Variants in ATRNL1 observed in about 807,000 individuals in gnomAD.
The protein encoded by ATRNL1 is attractin like 1.
In ATRNL1, 95 loss-of-function variants were observed where a neutral mutation model predicts 182.7. That is an observed-to-expected ratio of 0.52 (90% CI 0.44 to 0.62). The LOEUF (loss-of-function observed/expected upper bound fraction) is 0.62. ATRNL1 is among the 20% of genes least tolerant of loss of function. The pLI is 0.00. For synonymous variants in ATRNL1, 576 were observed against 568.3 expected (o/e 1.01, Z -0.19); for missense variants, 1,471 against 1,679.5 (o/e 0.88, Z 2.17).
chr10:115,103,194 C>T (rs563248635), intron 1 of ATRNL1, among the ~76,000 whole-genome samples: 5 of 151,920 alleles, frequency 3.3e-5, no homozygotes, highest in East Asian at 1.9e-4. Flanking sequence ...CCCATCATCA[C>T]GCCTGGCTGA....
chr10:115,145,238 GAAGAT>G (rs1296852086), intron 5 of ATRNL1, among the ~76,000 whole-genome samples: 1 of 152,122 alleles, frequency 6.6e-6, no homozygotes, highest in African/African-American at 2.4e-5. Flanking sequence ...GGGTAGGATG[GAAGAT>G]AAGTGACTCT....
intron 27 of ATRNL1, among the ~76,000 whole-genome samples, chr10:115,778,776 T>G (rs1414333867): frequency 1.3e-5 from 2 of 152,180 alleles, no homozygotes; most frequent in Non-Finnish European, 2.9e-5. Context: ...TGTTTGGTGT[T>G]AGTCTGGTAG....
At chr10:115,480,207 A>AACACACACACACACACACACACACACAC (rs72119794) in intron 24 of ATRNL1, among the ~76,000 whole-genome samples, 3 of 146,638 alleles carry the variant, frequency 2.0e-5, no homozygotes, top group African/African-American at 7.5e-5. Flanking sequence ...GAGTCATTTG[A>AACACACACACACACACACACACACACAC]ACACACACAC....
rs11197399 is a variant in ATRNL1, at chr10:115,668,748, C to A, written c.3796-58500C>A. ...AGGTCACCAAGCATTTAACTTTAAC[C>A]TTTTTATATCATTTATGTTCAATAG... On this transcript the variant is annotated intron_variant, in intron 26 of 28. Coordinates refer to ENST00000355044, the MANE Select transcript of ATRNL1 (RefSeq NM_207303.4). Among the ~76,000 whole-genome samples, 1,441 of 152,148 alleles carry A rather than the reference C, an allele frequency of 9.5e-3. 28 individuals carry two copies. Among genetic ancestry groups the A allele is most frequent in the African/African-American group, 0.033 (1,362 of 41,534 alleles).
At chr10:115,485,988 A>G (rs1367763236) in intron 24 of ATRNL1, among the ~76,000 whole-genome samples, 1 of 150,200 alleles carries the variant, frequency 6.7e-6, no homozygotes, top group Admixed American at 6.7e-5. Flanking sequence ...GAGTGAGAAC[A>G]TGCGGTGCTT....
At chr10:115,509,912 C>A (rs781825403) in intron 24 of ATRNL1, among the ~76,000 whole-genome samples, 1 of 151,980 alleles carries the variant, frequency 6.6e-6, no homozygotes, top group Non-Finnish European at 1.5e-5. Context: ...TGATAACATT[C>A]ATGATTCATG....
At chr10:115,270,400 TTA>T (rs1851806787) in intron 13 of ATRNL1, among the ~76,000 whole-genome samples, 1 of 118,458 alleles carries the variant, frequency 8.4e-6, no homozygotes, top group South Asian at 2.5e-4. Context: ...TATATGTATA[TTA>T]TATATAAATA....
chr10:115,600,736 A>T (rs1487042602), intron 26 of ATRNL1, among the ~76,000 whole-genome samples: 2 of 151,960 alleles, frequency 1.3e-5, no homozygotes, highest in Non-Finnish European at 2.9e-5. Flanking sequence ...ATTTTGATGA[A>T]TTTGATAAAA....
chr10:115,511,877 G>T (rs1342127488), intron 24 of ATRNL1, among the ~76,000 whole-genome samples: 1 of 151,718 alleles, frequency 6.6e-6, no homozygotes, highest in Non-Finnish European at 1.5e-5. Flanking sequence ...TTAGCATGTT[G>T]TCTTATCAAT....
At position 115,587,445 on chromosome 10, in the gene ATRNL1, G is replaced by A. The variant is rs1169856205; in HGVS notation, c.3795+37909G>A. On this transcript the variant is annotated intron_variant, in intron 26 of 28. Coordinates refer to ENST00000355044, the MANE Select transcript of ATRNL1 (RefSeq NM_207303.4). Reference sequence around the variant, plus strand: ...GCATAGGACCCTCCCAGCCAGGTGCGGAATATAATCTCGTGGTGTGCCGTT... The same window carrying A: ...GCATAGGACCCTCCCAGCCAGGTGCAGAATATAATCTCGTGGTGTGCCGTT... Among the ~76,000 whole-genome samples the A allele has an allele frequency of 5.4e-4, 82 of 151,888 alleles. 1 individual carries two copies. The highest frequency in any genetic ancestry group is 1.9e-3 in the South Asian group (9 of 4,766).
At chr10:115,758,777 C>T (rs1375999812) in intron 27 of ATRNL1, among the ~76,000 whole-genome samples, 1 of 152,234 alleles carries the variant, frequency 6.6e-6, no homozygotes, top group African/African-American at 2.4e-5. Context: ...CAGTGGGCTC[C>T]GCCCAGTTCG....
chr10:115,222,811 G>A (rs536408288), intron 9 of ATRNL1, among the ~76,000 whole-genome samples: 1 of 152,136 alleles, frequency 6.6e-6, no homozygotes, highest in Non-Finnish European at 1.5e-5. Flanking sequence ...AAGTGCTATT[G>A]AAGTAGAAGA....
At chr10:115,498,347 T>C (rs1554979050) in intron 24 of ATRNL1, among the ~76,000 whole-genome samples, 3 of 152,156 alleles carry the variant, frequency 2.0e-5, no homozygotes, top group Admixed American at 1.3e-4. Flanking sequence ...TGTTTTTAGC[T>C]ATATTGGATA....
At chr10:115,305,864 C>A (rs77913044) in intron 17 of ATRNL1, among the ~76,000 whole-genome samples, 2 of 152,062 alleles carry the variant, frequency 1.3e-5, no homozygotes, top group Admixed American at 6.6e-5. Context: ...GGAAATGAAA[C>A]AAGAGAGGCA....
At chr10:115,805,092 C>T (rs189016997) in intron 27 of ATRNL1, among the ~76,000 whole-genome samples, 47 of 152,270 alleles carry the variant, frequency 3.1e-4, no homozygotes, top group Non-Finnish European at 5.6e-4. Context: ...TACAATTCTA[C>T]ACCCAAACAT....
rs1029988270 is a variant in ATRNL1 at position 115,341,586 on chromosome 10, G to A, written c.3175+7167G>A. Among the ~76,000 whole-genome samples, 16 of 152,138 alleles carry A rather than the reference G, an allele frequency of 1.1e-4. No individual in the cohort carries two copies. The East Asian group carries it at 3.1e-3, about 29-fold the overall frequency. On this transcript the variant is annotated intron_variant, in intron 19 of 28. Transcript: ENST00000355044. ...GTTGATTTTCTTCGAAGAAAGATCT[G>A]TTCATAGCTGAAAGTGCAGTGTTGA...
At chr10:115,706,164 G>A (rs943590149) in intron 26 of ATRNL1, among the ~76,000 whole-genome samples, 3 of 151,888 alleles carry the variant, frequency 2.0e-5, no homozygotes, top group African/African-American at 7.2e-5. Context: ...CCCTGCTAGA[G>A]GCTGTAGGGG....
chr10:115,099,280 A>C (rs2085099986), intron 1 of ATRNL1, among the ~76,000 whole-genome samples: 1 of 152,230 alleles, frequency 6.6e-6, no homozygotes, highest in African/African-American at 2.4e-5. Context: ...CTACTGCCGA[A>C]TAGTGTTCCA....
intron 15 of ATRNL1, among the ~76,000 whole-genome samples, chr10:115,291,651 A>T (rs1251397713): frequency 6.6e-6 from 1 of 151,994 alleles, no homozygotes; most frequent in Non-Finnish European, 1.5e-5. Flanking sequence ...TCGATGTGAT[A>T]TTTGATGTTT....
Sources: gnomAD v4.1 joint callset for allele counts (sites outside exome capture counted in the v4.1 genomes callset) on GRCh38, gnomAD v4.1.1 for gene constraint, MANE v1.5 for transcripts, NCBI Gene and HGNC (gene_info 2026-07-23, HGNC 2026-07-21) for gene names.